The following PCDHGB3 variants were observed in gnomAD, a reference collection of about 807,000 sequenced individuals.
The protein encoded by PCDHGB3 is protocadherin gamma-B3.
PCDHGB3 carries 40 observed loss-of-function variants against 59.2 expected under a neutral mutation model. The observed-to-expected ratio is 0.68, with a 90% CI of 0.52 to 0.88. The LOEUF (loss-of-function observed/expected upper bound fraction) is 0.88, where lower values mean the gene tolerates loss of function less well. Ranked by LOEUF, PCDHGB3 falls within the 40% of genes least tolerant of loss-of-function variation. The probability of loss-of-function intolerance (pLI) is 0.00; values close to 1 mark genes in which losing one functional copy is unlikely to be tolerated. For missense variants in PCDHGB3, 1,309 were observed against 1,187.9 expected (o/e 1.10, Z -1.50); for synonymous variants, 581 against 503.6 (o/e 1.15, Z -2.06).
rs375882135 is a variant in PCDHGB3 at position 141,389,276 on chromosome 5, G to C, written c.2415+16467G>C. The C allele has an allele frequency of 7.9e-5, 128 of 1,613,976 alleles. No individual in the cohort carries two copies. In the Middle Eastern group the frequency reaches 1.8e-3, roughly 23 times the overall value. On this transcript the variant is annotated intron_variant, in intron 1 of 3. Coordinates refer to ENST00000576222, the MANE Select transcript of PCDHGB3 (RefSeq NM_018924.5). ...TAGTCCACGTGGCCGAGAACAACCC[G>C]CCTGGAGCCTCTATTTCACAAGTCA...
chr5:141,506,645 A>G (rs1229614297), intron 3 of PCDHGB3, among the ~76,000 whole-genome samples: 3 of 152,188 alleles, frequency 2.0e-5, no homozygotes, highest in African/African-American at 7.2e-5. Context: ...CCCTCAGCAC[A>G]GGATTGGCAG....
chr5:141,435,922 G>A (rs1312886163), intron 1 of PCDHGB3, among the ~76,000 whole-genome samples: 1 of 152,070 alleles, frequency 6.6e-6, no homozygotes, highest in Non-Finnish European at 1.5e-5. Context: ...TCTAAAATGC[G>A]GCAGTTGCTG....
At chr5:141,460,666 C>G (rs1245201344) in intron 1 of PCDHGB3, among the ~76,000 whole-genome samples, 1 of 151,670 alleles carries the variant, frequency 6.6e-6, no homozygotes, top group South Asian at 2.1e-4. Context: ...ACTGTAAACA[C>G]AGTTATATAT....
At position 141,431,850 on chromosome 5, in the gene PCDHGB3, C is replaced by T; in HGVS notation, c.2415+59041C>T. On this transcript the variant is annotated intron_variant, in intron 1 of 3. Transcript: ENST00000576222. The surrounding 1 kb of genome is among the most constrained non-coding windows in gnomAD (Gnocchi z 4.8). ...GTTCCCGAAAACTCTCCCAGAGGGA[C>T]ATTAATTGCCCTTTTAAATGTAAAT... The T allele has an allele frequency of 1.9e-6, 3 of 1,614,234 alleles. No homozygotes were observed. The highest frequency in any genetic ancestry group is 2.2e-5 in the South Asian group (2 of 91,090).
intron 1 of PCDHGB3, among the ~76,000 whole-genome samples, chr5:141,473,069 A>G (rs552033483): frequency 3.9e-4 from 59 of 152,180 alleles, no homozygotes; most frequent in South Asian, 8.3e-4. Flanking sequence ...AAGTTACAGC[A>G]TCTTTGTTTA....
chr5:141,403,490 C>T, intron 1 of PCDHGB3: 1 of 1,614,044 alleles, frequency 6.2e-7, no homozygotes, highest in South Asian at 1.1e-5. Flanking sequence ...CCACTTCTCC[C>T]TGAACGTGCA....
rs192741775 is a variant in PCDHGB3, at chr5:141,428,173, C to A, written c.2415+55364C>A. The A allele has an allele frequency of 3.2e-4, 487 of 1,514,722 alleles. 1 individual carries two copies. In the Middle Eastern group the frequency reaches 7.1e-3, roughly 22 times the overall value. The allele number at this position is 1,514,722 out of a possible 1,614,324, so 93.8% of individuals were successfully genotyped here. On this transcript the variant is annotated intron_variant, in intron 1 of 3. Transcript: ENST00000576222. The stretch of plus-strand genomic sequence containing the variant: ...GGAACCTGCTGGTTGCTGTGCGTGA[C>A]GGAGGACAGCCGCCGCTCTCTGCGC...
intron 1 of PCDHGB3, chr5:141,392,075 TG>T (rs2092461871): frequency 6.6e-6 from 1 of 152,236 alleles, no homozygotes. Context: ...GTAATTCAAG[TG>T]GCATTTAGAA....
rs771124496 is a variant in PCDHGB3, at chr5:141,489,457, C to A, written c.2416-5350C>A. The A allele has an allele frequency of 6.2e-7, 1 of 1,613,882 alleles. No homozygotes were observed. The highest frequency in any genetic ancestry group is 8.5e-7 in the Non-Finnish European group (1 of 1,179,984). ...GCAATTGGGCTCTGAGGAGAATGGG[C>A]GCTATTTTTCCCTGAGCTTGATGAG... On this transcript the variant is annotated intron_variant, in intron 1 of 3. Coordinates refer to ENST00000576222, the MANE Select transcript of PCDHGB3 (RefSeq NM_018924.5). This position sits in a 1 kb window ranked among gnomAD's most constrained non-coding sequence, Gnocchi z 4.5.
chr5:141,423,848 G>C (rs1353181066), intron 1 of PCDHGB3: 1 of 1,277,462 alleles, frequency 7.8e-7, no homozygotes, highest in Non-Finnish European at 9.9e-7. Flanking sequence ...TAATCTTTCA[G>C]AACGTTTTTG....
chr5:141,400,590 T>G (rs775174347), intron 1 of PCDHGB3: 2 of 1,604,848 alleles, frequency 1.2e-6, no homozygotes, highest in South Asian at 1.1e-5. Flanking sequence ...CATGAAACTA[T>G]CGTACATTTT....
intron 1 of PCDHGB3, 150 bp downstream of exon 1, chr5:141,372,959 A>T: frequency 1.4e-6 from 1 of 715,196 alleles, no homozygotes; most frequent in Non-Finnish European, 2.2e-6. Context: ...AATTCTTTGT[A>T]GAATTTCCTG....
At position 141,477,850 on chromosome 5, in the gene PCDHGB3, G is replaced by A; in HGVS notation, c.2416-16957G>A. On this transcript the variant is annotated intron_variant, in intron 1 of 3. Transcript: ENST00000576222. The surrounding 1 kb of genome is among the most constrained non-coding windows in gnomAD (Gnocchi z 4.9). ...CTCGGCCAGGTGGGAGCTCGGTGGAGATGCTGCCTCGAGGTACCTCAGCTG... is the reference window on the plus strand; with the variant it reads ...CTCGGCCAGGTGGGAGCTCGGTGGAAATGCTGCCTCGAGGTACCTCAGCTG... 6.2e-7 allele frequency: 1 copy of A among 1,613,446 alleles called. No homozygotes were observed. Among genetic ancestry groups the A allele is most frequent in the Admixed American group, 1.7e-5 (1 of 59,958 alleles).
chr5:141,383,350 C>CG (rs766222030), intron 1 of PCDHGB3: 7 of 1,613,870 alleles, frequency 4.3e-6, no homozygotes, highest in Non-Finnish European at 5.9e-6. Context: ...TCCTGGGGTT[C>CG]GGTTTCCGTT....
Position 141,476,416 on chromosome 5 carries a change from A to G in PCDHGB3, c.2416-18391A>G. On this transcript the variant is annotated intron_variant, in intron 1 of 3. Coordinates refer to ENST00000576222, the MANE Select transcript of PCDHGB3 (RefSeq NM_018924.5). The surrounding 1 kb of genome is among the most constrained non-coding windows in gnomAD (Gnocchi z 7.6). ...TGGATCGAGAGGAGCTGTGTGGGAC[A>G]CTGCCCTCTTGCACTGTAACTCTGG... 1 of 1,614,056 alleles carries G rather than the reference A, an allele frequency of 6.2e-7. No individual in the cohort carries two copies. The highest frequency in any genetic ancestry group is 8.5e-7 in the Non-Finnish European group (1 of 1,179,994).
At chr5:141,413,561 A>G in intron 1 of PCDHGB3, 1 of 1,613,924 alleles carries the variant, frequency 6.2e-7, no homozygotes. Flanking sequence ...GAAGTAACTG[A>G]TATCAATGAC....
chr5:141,505,616 C>A, intron 3 of PCDHGB3, 135 bp downstream of exon 3: 1 of 1,503,160 alleles, frequency 6.7e-7, no homozygotes. Flanking sequence ...CTGAAAGGAC[C>A]CACAATTCCA....
intron 1 of PCDHGB3, chr5:141,385,537 T>A (rs1486400401): frequency 1.5e-6 from 2 of 1,341,418 alleles, no homozygotes; most frequent in Non-Finnish European, 1.9e-6. Flanking sequence ...ATTATGAATA[T>A]GTGGACTATC....
In PCDHGB3 at chr5:141,431,320, C is replaced by A. The variant is rs993831541; in HGVS notation, c.2415+58511C>A. ...CCCTCATCGTGCAAAATGGAGCCGA[C>A]GGTAGTAAGTACCCCGAATTGGTGC... On this transcript the variant is annotated intron_variant, in intron 1 of 3. Transcript: ENST00000576222. This position sits in a 1 kb window ranked among gnomAD's most constrained non-coding sequence, Gnocchi z 4.8. 1 of 1,614,102 alleles carries A rather than the reference C, an allele frequency of 6.2e-7. No individual in the cohort carries two copies. The highest frequency in any genetic ancestry group is 1.7e-5 in the Admixed American group (1 of 60,032).
Sources: allele counts gnomAD v4.1 joint callset (sites outside exome capture counted in the v4.1 genomes callset), GRCh38; gene constraint gnomAD v4.1.1; non-coding constraint Gnocchi (gnomAD v3.1); transcripts MANE v1.5; gene names NCBI Gene and HGNC (gene_info 2026-07-23, HGNC 2026-07-21).